The following MTF2 variants were observed in gnomAD, a reference collection of about 807,000 sequenced individuals.
MTF2 encodes the protein metal-response element-binding transcription factor 2.
Under a neutral mutation model 79.5 loss-of-function variants are expected in MTF2, and 11 were observed. The ratio of observed to expected loss-of-function variants is 0.14; its 90% confidence interval spans 0.09 to 0.23. The LOEUF (loss-of-function observed/expected upper bound fraction) is 0.23, where lower values mean the gene tolerates loss of function less well. MTF2 is among the 10% of genes least tolerant of loss of function. MTF2 has a pLI of 1.00. For synonymous variants in MTF2, 208 were observed against 232.8 expected, an observed-to-expected ratio of 0.89 and a Z score of 0.97; for missense variants, 486 against 711.2, an observed-to-expected ratio of 0.68 and a Z score of 3.60.
chr1:93,108,134 A>G (rs1321499154), intron 1 of MTF2, among the ~76,000 whole-genome samples: 1 of 152,132 alleles, frequency 6.6e-6, no homozygotes, highest in Admixed American at 6.5e-5. Flanking sequence ...CCTTTATGCT[A>G]TTATTGCCAA....
chr1:93,092,304 T>C (rs1655105662), intron 1 of MTF2, among the ~76,000 whole-genome samples: 1 of 152,182 alleles, frequency 6.6e-6, no homozygotes, highest in South Asian at 2.1e-4. Flanking sequence ...CCATAGATGT[T>C]GATGTTACCA....
intron 1 of MTF2, among the ~76,000 whole-genome samples, chr1:93,083,891 T>A (rs1034243624): frequency 6.6e-6 from 1 of 152,210 alleles, no homozygotes; most frequent in Admixed American, 6.5e-5. Flanking sequence ...ACTGTCTATT[T>A]AAGTCTTTTG....
chr1:93,123,328 T>G (rs1339947378), intron 9 of MTF2, among the ~76,000 whole-genome samples: 1 of 150,854 alleles, frequency 6.6e-6, no homozygotes, highest in Non-Finnish European at 1.5e-5. Context: ...CATAGCTCAC[T>G]GAAGCCTTGA....
At chr1:93,089,996 A>G (rs149007367) in intron 1 of MTF2, among the ~76,000 whole-genome samples, 2,008 of 151,332 alleles carry the variant, frequency 0.013, 22 homozygotes, top group Non-Finnish European at 0.018. Flanking sequence ...TTCTTTTTTG[A>G]GATGGAGTCT....
chr1:93,114,546 C>A (rs1656169398), intron 3 of MTF2, 142 bp from the exon 4 acceptor site: 2 of 534,192 alleles, frequency 3.7e-6, no homozygotes, highest in African/African-American at 1.9e-5. Flanking sequence ...AGAGAGATAC[C>A]ATTCGTGTAC....
intron 9 of MTF2, 127 bp from the exon 10 acceptor site, chr1:93,127,105 A>G: frequency 1.6e-6 from 1 of 642,760 alleles, no homozygotes; most frequent in East Asian, 2.8e-5. Context: ...ACTTGGAATT[A>G]GAACTTAGAT....
chr1:93,129,396 C>G lies in MTF2; in HGVS notation c.1108C>G (p.His370Asp). Residue 370 changes from histidine (H) to aspartate (D), a missense_variant, in exon 11 of 15, where the codon CAT becomes GAT. Coordinates refer to ENST00000370298, the MANE Select transcript of MTF2 (RefSeq NM_007358.4). ...AGAGAAAGAACCTGAAGGAACATCTCATGAATTTAAAATTAAAGGCAGAAA... is the reference window on the plus strand; with the variant it reads ...AGAGAAAGAACCTGAAGGAACATCTGATGAATTTAAAATTAAAGGCAGAAA... ...KAEKEPEGTSHEFKIKGRKAS... is the reference protein window; with the variant it reads ...KAEKEPEGTSDEFKIKGRKAS... The G allele has an allele frequency of 6.3e-7, 1 of 1,575,856 alleles. No homozygotes were observed.
chr1:93,089,497 C>G (rs1654983213), intron 1 of MTF2, among the ~76,000 whole-genome samples: 1 of 152,108 alleles, frequency 6.6e-6, no homozygotes, highest in Non-Finnish European at 1.5e-5. Context: ...GCAAATTCCA[C>G]TTGTTTACAT....
intron 9 of MTF2, among the ~76,000 whole-genome samples, chr1:93,123,468 T>TC (rs1284081694): frequency 2.0e-5 from 3 of 152,126 alleles, no homozygotes; most frequent in Non-Finnish European, 4.4e-5. Flanking sequence ...TTTTAGTTTA[T>TC]CTAAAATGTG....
Position 93,136,926 on chromosome 1 carries a change from A to G in MTF2, c.1681A>G (p.Arg561Gly). Reference protein sequence around the residue: ...SITSYFGAAGRIACGEKYRVL... With the variant: ...SITSYFGAAGGIACGEKYRVL... ...TACCAGTTATTTTGGTGCTGCAGGT[A>G]GAATAGCATGTGGCGAAAAATACCG... The change falls in exon 15 of 15, where the codon AGA (arginine) becomes GGA (glycine). Residue 561 changes from arginine to glycine, a missense_variant. Arg to Gly is a moderately radical substitution (Grantham distance 125). Transcript: ENST00000370298. 6.2e-7 allele frequency: 1 copy of G among 1,614,190 alleles called. No homozygotes were observed. The highest frequency in any genetic ancestry group is 8.5e-7 in the Non-Finnish European group (1 of 1,180,008).
At chr1:93,084,509 T>C (rs1267531366) in intron 1 of MTF2, among the ~76,000 whole-genome samples, 1 of 152,190 alleles carries the variant, frequency 6.6e-6, no homozygotes, top group African/African-American at 2.4e-5. Context: ...AGGATCAATC[T>C]GTGAGTCTGT....
At chr1:93,120,955 G>A (rs1022929632) in intron 9 of MTF2, 22 of 1,106,582 alleles carry the variant, frequency 2.0e-5, no homozygotes, top group Non-Finnish European at 2.4e-5. Flanking sequence ...AGATAGAAGG[G>A]AGGGAGAAAT....
intron 1 of MTF2, among the ~76,000 whole-genome samples, chr1:93,104,014 C>T (rs1655659106): frequency 6.6e-6 from 1 of 151,882 alleles, no homozygotes; most frequent in Non-Finnish European, 1.5e-5. Context: ...TCATGGCTCA[C>T]TGAAGCCTCT....
chr1:93,105,277 C>T (rs956326327), intron 1 of MTF2, among the ~76,000 whole-genome samples: 4 of 152,022 alleles, frequency 2.6e-5, no homozygotes, highest in Non-Finnish European at 5.9e-5. Flanking sequence ...AACTTTACCC[C>T]GAGGTTTGCT....
chr1:93,105,522 G>A (rs973340908), intron 1 of MTF2, among the ~76,000 whole-genome samples: 6 of 152,148 alleles, frequency 3.9e-5, no homozygotes, highest in African/African-American at 1.4e-4. Context: ...ATGTAAAAAG[G>A]GATCTGTAAA....
chr1:93,128,789 T>G (rs896602059), intron 10 of MTF2: 5 of 150,784 alleles, frequency 3.3e-5, no homozygotes, highest in African/African-American at 1.2e-4. Context: ...GATCCGGCAC[T>G]CTAGATACTC....
At chr1:93,124,335 C>A (rs72955374) in intron 9 of MTF2, among the ~76,000 whole-genome samples, 10 of 151,926 alleles carry the variant, frequency 6.6e-5, no homozygotes, top group Non-Finnish European at 1.5e-4. Flanking sequence ...GAAGTCTCAT[C>A]TGTTGTATCA....
At chr1:93,123,759 T>G (rs2101079772) in intron 9 of MTF2, among the ~76,000 whole-genome samples, 1 of 133,318 alleles carries the variant, frequency 7.5e-6, no homozygotes, top group African/African-American at 3.4e-5. Flanking sequence ...TCGTGTATTG[T>G]GTCCCCCCCC....
intron 1 of MTF2, among the ~76,000 whole-genome samples, chr1:93,085,198 T>C (rs1359656347): frequency 6.6e-6 from 1 of 151,734 alleles, no homozygotes; most frequent in East Asian, 1.9e-4. Flanking sequence ...TCTTTCTTTT[T>C]TTTTTTTTGA....
Sources: allele counts gnomAD v4.1 joint callset (sites outside exome capture counted in the v4.1 genomes callset), GRCh38; gene constraint gnomAD v4.1.1; transcripts MANE v1.5; gene names NCBI Gene and HGNC (gene_info 2026-07-23, HGNC 2026-07-21).